The following GABRA3 variants were observed in gnomAD, a reference collection of about 807,000 sequenced individuals.
GABRA3 encodes the protein gamma-aminobutyric acid type A receptor subunit alpha3, also known as gamma-aminobutyric acid receptor subunit alpha-3.
In GABRA3, 10 loss-of-function variants were observed where a neutral mutation model predicts 30.1. The ratio of observed to expected loss-of-function variants is 0.33; its 90% confidence interval spans 0.20 to 0.56. The LOEUF (loss-of-function observed/expected upper bound fraction) is 0.56. Among genes scored for constraint, GABRA3 ranks in the 20% least tolerant of loss-of-function variants. The probability of loss-of-function intolerance (pLI) is 0.89; values close to 1 mark genes in which losing one functional copy is unlikely to be tolerated. For missense variants in GABRA3, 233 were observed against 392.0 expected, an observed-to-expected ratio of 0.59 and a Z score of 3.42; for synonymous variants, 151 against 146.8, an observed-to-expected ratio of 1.03 and a Z score of -0.21.
chrX:152,233,279 G>C (rs950443528), intron 5 of GABRA3, among the ~76,000 whole-genome samples: 1 of 110,774 alleles, frequency 9.0e-6, no homozygotes, highest in Non-Finnish European at 1.9e-5. Context: ...TCTGATGGTA[G>C]TTTCTTTTGC....
chrX:152,360,412 G>A (rs1268454291), intron 2 of GABRA3, among the ~76,000 whole-genome samples: 15 of 100,798 alleles, frequency 1.5e-4, no homozygotes, highest in Non-Finnish European at 2.6e-4. Flanking sequence ...TTTCTCTGAT[G>A]GCCAGTGATG....
At chrX:152,364,125 G>A (rs1373111955) in intron 2 of GABRA3, among the ~76,000 whole-genome samples, 1 of 111,222 alleles carries the variant, frequency 9.0e-6, no homozygotes, top group African/African-American at 3.3e-5. Flanking sequence ...GAGCCACACA[G>A]CCAATAAAAA....
chrX:152,216,633 G>A lies in GABRA3; in HGVS notation c.634+8130C>T, dbSNP rs538241880. On this transcript the variant is annotated intron_variant, in intron 6 of 9. Transcript: ENST00000370314. ...AGAGAATAGAATGGCGGTTACCTGA[G>A]GCTGGGGAAGGAGAAGAGAGAGGGC... is the stretch of plus-strand genomic sequence containing the variant. Among the ~76,000 whole-genome samples, 30 of 109,635 alleles carry A rather than the reference G, an allele frequency of 2.7e-4. No homozygotes were observed. The South Asian group carries it at 0.011, about 40-fold the overall frequency.
chrX:152,265,488 C>T (rs755371786), intron 4 of GABRA3, among the ~76,000 whole-genome samples: 1 of 111,174 alleles, frequency 9.0e-6, no homozygotes, highest in East Asian at 2.8e-4. Flanking sequence ...CTATGGCATG[C>T]AGTGAAAGCA....
chrX:152,243,466 T>C (rs1938415549), intron 5 of GABRA3, among the ~76,000 whole-genome samples: 1 of 111,738 alleles, frequency 8.9e-6, no homozygotes, highest in Non-Finnish European at 1.9e-5. Context: ...TTATTTTTAT[T>C]TATTTATTAT....
chrX:152,347,385 T>C (rs1940407573), intron 2 of GABRA3, among the ~76,000 whole-genome samples: 1 of 111,535 alleles, frequency 9.0e-6, no homozygotes, highest in Admixed American at 9.6e-5. Context: ...ATGGTTAATG[T>C]GTATAAAATA....
chrX:152,214,974 G>C (rs1937689736), intron 6 of GABRA3, among the ~76,000 whole-genome samples: 1 of 103,547 alleles, frequency 9.7e-6, no homozygotes, highest in Non-Finnish European at 2.0e-5. Context: ...AGTTCTTTAG[G>C]GATATATGTA....
intron 6 of GABRA3, among the ~76,000 whole-genome samples, chrX:152,217,947 A>T (rs1937759474): frequency 9.4e-6 from 1 of 106,788 alleles, no homozygotes; most frequent in Non-Finnish European, 2.0e-5. Context: ...TTAATTTTTA[A>T]AATTCTTTAT....
intron 5 of GABRA3, among the ~76,000 whole-genome samples, chrX:152,237,525 C>A (rs1286082972): frequency 1.9e-5 from 2 of 102,590 alleles, no homozygotes; most frequent in Non-Finnish European, 4.0e-5. Flanking sequence ...TTTTCCAATT[C>A]TGTGAAGAAA....
At chrX:152,375,438 C>T (rs1304270403) in intron 1 of GABRA3, among the ~76,000 whole-genome samples, 1 of 112,159 alleles carries the variant, frequency 8.9e-6, no homozygotes, top group African/African-American at 3.2e-5. Flanking sequence ...TGACCTTATT[C>T]TGTTATTCTT....
chrX:152,315,193 A>G (rs1406233492), intron 3 of GABRA3, among the ~76,000 whole-genome samples: 1 of 111,708 alleles, frequency 9.0e-6, no homozygotes, highest in Non-Finnish European at 1.9e-5. Context: ...AAACTGTGAA[A>G]GTGAGAAAGG....
chrX:152,223,311 A>G (rs2124380202), intron 6 of GABRA3, among the ~76,000 whole-genome samples: 1 of 111,951 alleles, frequency 8.9e-6, no homozygotes. Context: ...CTACCCAGAA[A>G]TATTGCAGTC....
Position 152,227,324 on chromosome X carries a change from T to C in GABRA3, c.552-2479A>G, listed in dbSNP as rs1212107287. ...GCATGTTCTCACTCATAGGTGGGAA[T>C]TGAACAATGAGAACACATGGACACA... is the stretch of plus-strand genomic sequence containing the variant. On this transcript the variant is annotated intron_variant, in intron 5 of 9. Transcript: ENST00000370314. Among the ~76,000 whole-genome samples the C allele has an allele frequency of 8.7e-4, 77 of 88,418 alleles. 1 individual carries two copies. The highest frequency in any genetic ancestry group is 1.3e-3 in the Non-Finnish European group (62 of 46,928). The allele number at this position is 88,418 out of a possible 115,157, so 76.8% of individuals were successfully genotyped here. A position where few individuals can be genotyped will look rare whatever the true frequency, so the allele number is the denominator to read the frequency against.
chrX:152,256,019 A>AG, intron 4 of GABRA3, 21 bp from the exon 5 acceptor site: 1 of 1,132,005 alleles, frequency 8.8e-7, no homozygotes, highest in Non-Finnish European at 1.2e-6. Context: ...AAAGAGAGAA[A>AG]ACAATGTTTC....
intron 4 of GABRA3, 143 bp downstream of exon 4, chrX:152,284,525 C>T (rs1466432107): frequency 1.1e-5 from 4 of 367,016 alleles, no homozygotes; most frequent in African/African-American, 2.6e-5. Context: ...TTTGGCTAAA[C>T]GTAGGGTGGC....
chrX:152,202,560 T>C (rs990438256), intron 7 of GABRA3, among the ~76,000 whole-genome samples: 52 of 111,486 alleles, frequency 4.7e-4, no homozygotes, highest in African/African-American at 1.7e-3. Context: ...TAAAATAATG[T>C]GATACATATA....
At chrX:152,180,321 A>G (rs1476025709) in intron 9 of GABRA3, among the ~76,000 whole-genome samples, 4 of 112,363 alleles carry the variant, frequency 3.6e-5, no homozygotes, top group African/African-American at 9.7e-5. Context: ...TTTTAAAAAT[A>G]TAACTATTAT....
intron 3 of GABRA3, among the ~76,000 whole-genome samples, chrX:152,292,194 G>T (rs893865441): frequency 9.0e-6 from 1 of 111,429 alleles, no homozygotes; most frequent in Non-Finnish European, 1.9e-5. Context: ...CAATTTCAGA[G>T]CCTGTTATTG....
chrX:152,270,336 C>A (rs7889640), intron 4 of GABRA3, among the ~76,000 whole-genome samples: 148 of 111,659 alleles, frequency 1.3e-3, no homozygotes, highest in African/African-American at 4.6e-3. Flanking sequence ...CATTACTGTA[C>A]GTTTCCTGAG....
Sources: allele counts gnomAD v4.1 joint callset (sites outside exome capture counted in the v4.1 genomes callset), GRCh38; gene constraint gnomAD v4.1.1; transcripts MANE v1.5; gene names NCBI Gene and HGNC (gene_info 2026-07-23, HGNC 2026-07-21).